Variants in CTNND2 observed in about 807,000 individuals in gnomAD.
The protein encoded by CTNND2 is catenin delta 2, also known as catenin delta-2.
Under a neutral mutation model 144.4 loss-of-function variants are expected in CTNND2, and 22 were observed. That is an observed-to-expected ratio of 0.15 (90% CI 0.11 to 0.22). The LOEUF (loss-of-function observed/expected upper bound fraction) is 0.22, where lower values mean the gene tolerates loss of function less well. CTNND2 is among the 10% of genes least tolerant of loss of function. The pLI is 1.00. For missense variants in CTNND2, 1,353 were observed against 1,618.8 expected (o/e 0.84, Z 2.82); for synonymous variants, 751 against 695.6 (o/e 1.08, Z -1.25).
intron 2 of CTNND2, among the ~76,000 whole-genome samples, chr5:11,704,910 G>GA (rs775068696): frequency 6.6e-6 from 1 of 151,624 alleles, no homozygotes; most frequent in African/African-American, 2.4e-5. Flanking sequence ...CTAACCTAGT[G>GA]AAACTAAACT....
At chr5:11,614,066 T>C (rs1347393757) in intron 2 of CTNND2, among the ~76,000 whole-genome samples, 1 of 152,152 alleles carries the variant, frequency 6.6e-6, no homozygotes, top group Non-Finnish European at 1.5e-5. Context: ...ATTTTGAAAA[T>C]TCTTCCTTGA....
At chr5:11,854,221 C>A (rs1169470881) in intron 1 of CTNND2, among the ~76,000 whole-genome samples, 1 of 152,202 alleles carries the variant, frequency 6.6e-6, no homozygotes, top group Non-Finnish European at 1.5e-5. Flanking sequence ...TCCCTCACCT[C>A]CTTTACTTGT....
chr5:11,083,549 G>A (rs945457053), intron 15 of CTNND2, among the ~76,000 whole-genome samples: 2 of 152,132 alleles, frequency 1.3e-5, no homozygotes, highest in East Asian at 1.9e-4. Context: ...CAGGTAATGC[G>A]TCATATTAAA....
intron 1 of CTNND2, among the ~76,000 whole-genome samples, chr5:11,822,198 G>A (rs1205853404): frequency 6.6e-6 from 1 of 152,138 alleles, no homozygotes; most frequent in Non-Finnish European, 1.5e-5. Flanking sequence ...AGGAATGTGA[G>A]CAAACTCCTA....
At chr5:11,443,620 G>T (rs776036368) in intron 3 of CTNND2, among the ~76,000 whole-genome samples, 20 of 151,844 alleles carry the variant, frequency 1.3e-4, no homozygotes, top group Non-Finnish European at 2.9e-4. Context: ...ATTCCCTTAA[G>T]GTATGTATGG....
At chr5:11,449,195 TA>T (rs1469685239) in intron 3 of CTNND2, among the ~76,000 whole-genome samples, 1 of 152,238 alleles carries the variant, frequency 6.6e-6, no homozygotes, top group Non-Finnish European at 1.5e-5. Flanking sequence ...CATTGTTGTC[TA>T]AAAATATCAT....
intron 8 of CTNND2, among the ~76,000 whole-genome samples, chr5:11,347,785 A>G (rs1193290143): frequency 6.6e-6 from 1 of 152,218 alleles, no homozygotes; most frequent in Non-Finnish European, 1.5e-5. Context: ...CTTAGTGAAC[A>G]ATGATAGAGC....
At chr5:11,076,587 G>C (rs1451384009) in intron 16 of CTNND2, among the ~76,000 whole-genome samples, 1 of 152,208 alleles carries the variant, frequency 6.6e-6, no homozygotes, top group Non-Finnish European at 1.5e-5. Flanking sequence ...TTCTATGCCA[G>C]TAGGAAGAAC....
chr5:11,291,396 T>C (rs1216224052), intron 9 of CTNND2, among the ~76,000 whole-genome samples: 1 of 152,212 alleles, frequency 6.6e-6, no homozygotes, highest in African/African-American at 2.4e-5. Context: ...TCCTATTCAT[T>C]GGTCCCAAGT....
At chr5:11,435,557 T>C (rs1194609902) in intron 3 of CTNND2, among the ~76,000 whole-genome samples, 3 of 152,122 alleles carry the variant, frequency 2.0e-5, no homozygotes, top group African/African-American at 7.2e-5. Context: ...AGAAACAACC[T>C]AGGCAAATAG....
intron 2 of CTNND2, among the ~76,000 whole-genome samples, chr5:11,583,923 C>T (rs557073987): frequency 3.3e-5 from 5 of 152,308 alleles, no homozygotes; most frequent in African/African-American, 1.2e-4. Flanking sequence ...ACAGACACAG[C>T]CTCACAATTA....
chr5:11,410,184 G>A lies in CTNND2; in HGVS notation c.439+1352C>T, dbSNP rs1761399142. Among the ~76,000 whole-genome samples the A allele has an allele frequency of 2.6e-5, 4 of 152,222 alleles. No individual in the cohort carries two copies. In the South Asian group the frequency reaches 8.3e-4, roughly 32 times the overall value. On this transcript the variant is annotated intron_variant, in intron 5 of 21. Transcript: ENST00000304623. Reference sequence around the variant, plus strand: ...AGAGAAATATATTTAATGACTATGAGTAAAAGAGGTAACGATTAGACATTT... The same window carrying A: ...AGAGAAATATATTTAATGACTATGAATAAAAGAGGTAACGATTAGACATTT...
intron 16 of CTNND2, among the ~76,000 whole-genome samples, chr5:11,039,172 T>G (rs1399850743): frequency 6.6e-6 from 1 of 152,216 alleles, no homozygotes; most frequent in East Asian, 1.9e-4. Flanking sequence ...TTCCTAACAG[T>G]TGCAGACTCC....
rs756159547 is a variant in CTNND2 at position 11,564,927 on chromosome 5, C to T, written c.287+17G>A. 33 of 1,566,606 alleles carry T rather than the reference C, an allele frequency of 2.1e-5. No individual in the cohort carries two copies. The highest frequency in any genetic ancestry group is 2.9e-5 in the Non-Finnish European group (33 of 1,137,974). On this transcript the variant is annotated intron_variant, in intron 3 of 21. Coordinates refer to ENST00000304623, the MANE Select transcript of CTNND2 (RefSeq NM_001332.4). ...GGCAACTCAAAGCACAGACAATGAACAGAGCGGCGCTAGTACCTCATGCTG... is the reference window on the plus strand; with the variant it reads ...GGCAACTCAAAGCACAGACAATGAATAGAGCGGCGCTAGTACCTCATGCTG...
intron 1 of CTNND2, among the ~76,000 whole-genome samples, chr5:11,868,109 C>G (rs528501704): frequency 6.4e-4 from 97 of 152,078 alleles, no homozygotes; most frequent in African/African-American, 2.3e-3. Context: ...GTCACTTCAC[C>G]TGCAGGCACA....
At chr5:11,891,749 A>T (rs1325207060) in intron 1 of CTNND2, among the ~76,000 whole-genome samples, 2 of 152,180 alleles carry the variant, frequency 1.3e-5, no homozygotes, top group Admixed American at 1.3e-4. Flanking sequence ...GTGAGAAATA[A>T]ACGTTGTTTA....
At chr5:11,579,734 C>T (rs1778270142) in intron 2 of CTNND2, among the ~76,000 whole-genome samples, 2 of 152,128 alleles carry the variant, frequency 1.3e-5, no homozygotes, top group African/African-American at 4.8e-5. Context: ...TCTGTCTGTG[C>T]TTAGCCAATA....
At chr5:11,586,356 C>T (rs564514343) in intron 2 of CTNND2, among the ~76,000 whole-genome samples, 1 of 152,284 alleles carries the variant, frequency 6.6e-6, no homozygotes, top group South Asian at 2.1e-4. Flanking sequence ...TAGGGAATGT[C>T]TCTTCCATTT....
At chr5:11,798,239 G>A (rs1791502053) in intron 1 of CTNND2, among the ~76,000 whole-genome samples, 1 of 148,462 alleles carries the variant, frequency 6.7e-6, no homozygotes, top group African/African-American at 2.5e-5. Flanking sequence ...TCCAGCCTGG[G>A]TGACAGAGTG....
Sources: allele counts gnomAD v4.1 joint callset (sites outside exome capture counted in the v4.1 genomes callset), GRCh38; gene constraint gnomAD v4.1.1; transcripts MANE v1.5; gene names NCBI Gene and HGNC (gene_info 2026-07-23, HGNC 2026-07-21).